AUTS2: variants seen among roughly 807,000 people sequenced by gnomAD.
AUTS2 encodes autism susceptibility gene 2 protein.
AUTS2 carries 17 observed loss-of-function variants against 112.4 expected under a neutral mutation model. That is an observed-to-expected ratio of 0.15 (90% CI 0.10 to 0.23). The LOEUF is 0.23. AUTS2 is among the 10% of genes least tolerant of loss of function. The pLI is 1.00. For synonymous variants in AUTS2, 751 were observed against 702.7 expected, an observed-to-expected ratio of 1.07 and a Z score of -1.09; for missense variants, 1,510 against 1,701.6, an observed-to-expected ratio of 0.89 and a Z score of 1.98.
At chr7:70,682,626 C>T (rs1161730092) in intron 5 of AUTS2, among the ~76,000 whole-genome samples, 4 of 152,222 alleles carry the variant, frequency 2.6e-5, no homozygotes, top group Non-Finnish European at 5.9e-5. Context: ...TCCATTCTCG[C>T]AGTGTTGATT....
chr7:70,507,831 A>G (rs1563003001), intron 5 of AUTS2, among the ~76,000 whole-genome samples: 1 of 152,188 alleles, frequency 6.6e-6, no homozygotes. Flanking sequence ...TAACTAAGAC[A>G]TAAAAACCAA....
intron 2 of AUTS2, among the ~76,000 whole-genome samples, chr7:69,905,587 C>G (rs1253801485): frequency 6.6e-6 from 1 of 152,110 alleles, no homozygotes; most frequent in Non-Finnish European, 1.5e-5. Context: ...ACCATTTCGC[C>G]TTTCCTCTGT....
chr7:70,286,060 C>G (rs1429941899), intron 4 of AUTS2, among the ~76,000 whole-genome samples: 1 of 152,112 alleles, frequency 6.6e-6, no homozygotes, highest in Non-Finnish European at 1.5e-5. Flanking sequence ...AGTCTTTAGG[C>G]AGAGAAAGCA....
chr7:70,209,216 A>T (rs1173366608), intron 4 of AUTS2, among the ~76,000 whole-genome samples: 1 of 152,156 alleles, frequency 6.6e-6, no homozygotes, highest in Non-Finnish European at 1.5e-5. Flanking sequence ...TGGGATGTAA[A>T]GTAAAAAGAG....
intron 2 of AUTS2, among the ~76,000 whole-genome samples, chr7:69,902,773 C>G (rs1030354284): frequency 1.3e-5 from 2 of 151,998 alleles, no homozygotes; most frequent in African/African-American, 4.8e-5. Context: ...GTTGTAAAAC[C>G]CAAGTTCTTG....
rs1258522745 is a variant in AUTS2 at position 70,137,264 on chromosome 7, C to T, written c.660+2693C>T. On this transcript the variant is annotated intron_variant, in intron 4 of 18. Coordinates refer to ENST00000342771, the MANE Select transcript of AUTS2 (RefSeq NM_015570.4). ...CAAAATAGAGAAGGATTGGAACAAA[C>T]TTTCTACATTTTTGGGAGCTTTTGA... is the stretch of plus-strand genomic sequence containing the variant. Among the ~76,000 whole-genome samples the T allele has an allele frequency of 2.0e-5, 3 of 152,158 alleles. No homozygotes were observed. The East Asian group carries it at 5.8e-4, about 29-fold the overall frequency.
chr7:69,786,584 C>T (rs566885910), intron 1 of AUTS2, among the ~76,000 whole-genome samples: 11 of 152,286 alleles, frequency 7.2e-5, no homozygotes, highest in East Asian at 3.9e-4. Flanking sequence ...TCTTTGGGTC[C>T]GTGCCACCTT....
chr7:69,857,449 T>C (rs928617456), intron 1 of AUTS2, among the ~76,000 whole-genome samples: 2 of 152,222 alleles, frequency 1.3e-5, no homozygotes, highest in Non-Finnish European at 2.9e-5. Flanking sequence ...AAACCCTCTT[T>C]GAAACAATGC....
chr7:69,612,162 C>T (rs1250435615), intron 1 of AUTS2, among the ~76,000 whole-genome samples: 2 of 152,064 alleles, frequency 1.3e-5, no homozygotes, highest in Non-Finnish European at 2.9e-5. Flanking sequence ...TGGATTATTT[C>T]TGAGAAATGA....
chr7:70,513,555 A>G (rs761683600), intron 5 of AUTS2, among the ~76,000 whole-genome samples: 19 of 152,200 alleles, frequency 1.2e-4, no homozygotes, highest in Non-Finnish European at 2.8e-4. Context: ...CTCCATCTCA[A>G]ATGGTGGCTG....
chr7:70,697,220 C>A (rs1231078030), intron 5 of AUTS2, among the ~76,000 whole-genome samples: 2 of 151,782 alleles, frequency 1.3e-5, no homozygotes, highest in African/African-American at 4.8e-5. Context: ...TTTCATTATT[C>A]CTGCAAAATA....
At chr7:69,985,221 ACT>A (rs1320612191) in intron 2 of AUTS2, among the ~76,000 whole-genome samples, 2 of 130,478 alleles carry the variant, frequency 1.5e-5, no homozygotes, top group African/African-American at 6.1e-5. Context: ...ACAGAGGAAG[ACT>A]CTCTAAAAAA....
chr7:70,366,847 A>AG (rs1792594266), intron 4 of AUTS2, among the ~76,000 whole-genome samples: 1 of 152,178 alleles, frequency 6.6e-6, no homozygotes, highest in Non-Finnish European at 1.5e-5. Context: ...TGTCCAATAC[A>AG]GGGGGAGGAT....
rs539276567 is a variant in AUTS2 at position 69,792,335 on chromosome 7, G to A, written c.310-106951G>A. 4.5e-4 allele frequency among the ~76,000 whole-genome samples: 68 copies of A among 152,080 alleles called. 2 individuals are homozygous for A. In the South Asian group the frequency reaches 6.9e-3, roughly 15 times the overall value. The stretch of plus-strand genomic sequence containing the variant: ...GCTCACTGCAAGCTCCGCCTCCCGG[G>A]TTCATGCCATTCTCCTGCCTCAGCC... On this transcript the variant is annotated intron_variant, in intron 1 of 18. Coordinates refer to ENST00000342771, the MANE Select transcript of AUTS2 (RefSeq NM_015570.4).
intron 1 of AUTS2, among the ~76,000 whole-genome samples, chr7:69,697,760 C>G (rs181848151): frequency 6.6e-6 from 1 of 152,322 alleles, no homozygotes; most frequent in East Asian, 1.9e-4. Context: ...ATTTCAGACA[C>G]TGTCCACTGT....
chr7:70,019,347 T>G (rs780244312), intron 2 of AUTS2, among the ~76,000 whole-genome samples: 2 of 152,138 alleles, frequency 1.3e-5, no homozygotes, highest in Non-Finnish European at 2.9e-5. Context: ...AAATAATCTA[T>G]ACAACAAACC....
intron 2 of AUTS2, among the ~76,000 whole-genome samples, chr7:70,004,423 A>ATAT (rs1299756666): frequency 1.8e-4 from 3 of 16,878 alleles, no homozygotes; most frequent in East Asian, 0.025. Context: ...ATAATATATT[A>ATAT]TATATATATA....
intron 4 of AUTS2, among the ~76,000 whole-genome samples, chr7:70,142,111 C>T (rs553308069): frequency 6.6e-6 from 1 of 152,298 alleles, no homozygotes; most frequent in Admixed American, 6.5e-5. Context: ...CATTTGCTGT[C>T]TACAGGAATC....
chr7:70,131,604 C>T (rs186278492), intron 3 of AUTS2, among the ~76,000 whole-genome samples: 1 of 152,100 alleles, frequency 6.6e-6, no homozygotes, highest in Non-Finnish European at 1.5e-5. Flanking sequence ...TGTTTCTAAA[C>T]ATTCCTTTTT....
Sources: gnomAD v4.1 joint callset for allele counts (sites outside exome capture counted in the v4.1 genomes callset) on GRCh38, gnomAD v4.1.1 for gene constraint, MANE v1.5 for transcripts, NCBI Gene and HGNC (gene_info 2026-07-23, HGNC 2026-07-21) for gene names.